Variants in COPG2 observed in about 807,000 individuals in gnomAD.
The protein encoded by COPG2 is coatomer subunit gamma-2.
A neutral mutation model predicts 46.3 loss-of-function variants in COPG2; 37 were observed. That is an observed-to-expected ratio of 0.80 (90% confidence interval 0.61 to 1.05). The LOEUF is 1.05. COPG2 is among the 50% of genes least tolerant of loss of function. The probability of loss-of-function intolerance (pLI) is 0.00; values close to 1 mark genes in which losing one functional copy is unlikely to be tolerated. For missense variants in COPG2, 427 were observed against 387.8 expected, an observed-to-expected ratio of 1.10 and a Z score of -0.85; for synonymous variants, 159 against 129.7, an observed-to-expected ratio of 1.23 and a Z score of -1.53.
intron 5 of COPG2, among the ~76,000 whole-genome samples, chr7:130,625,672 GTTT>G (rs35495315): frequency 7.1e-6 from 1 of 141,520 alleles, no homozygotes; most frequent in African/African-American, 2.5e-5. Flanking sequence ...TGCTTTCTCC[GTTT>G]TTTTTTTTAC....
At chr7:130,616,514 C>T (rs1377594192) in intron 6 of COPG2, among the ~76,000 whole-genome samples, 3 of 152,046 alleles carry the variant, frequency 2.0e-5, no homozygotes, top group Admixed American at 6.6e-5. Context: ...TACTTGAACC[C>T]GGGAGGCGGA....
chr7:130,530,769 C>CAGGGTGGAGGGGCCCCCAGGGA (rs1799816685), intron 20 of COPG2, among the ~76,000 whole-genome samples: 1 of 152,008 alleles, frequency 6.6e-6, no homozygotes, highest in Non-Finnish European at 1.5e-5. Flanking sequence ...AGAAGACAGA[C>CAGGGTGGAGGGGCCCCCAGGGA]AGGGTGGAGG....
chr7:130,537,326 G>A (rs978524041), intron 20 of COPG2, among the ~76,000 whole-genome samples: 1 of 149,970 alleles, frequency 6.7e-6, no homozygotes, highest in Non-Finnish European at 1.5e-5. Flanking sequence ...ACAGCAGAGC[G>A]TGTGGATTCA....
chr7:130,517,703 T>G (rs1032117324), intron 20 of COPG2, among the ~76,000 whole-genome samples: 25 of 152,228 alleles, frequency 1.6e-4, no homozygotes, highest in African/African-American at 6.0e-4. Flanking sequence ...TCCACTGCTA[T>G]GATAATTTAA....
At chr7:130,530,516 G>A (rs1161864741) in intron 20 of COPG2, among the ~76,000 whole-genome samples, 5 of 152,200 alleles carry the variant, frequency 3.3e-5, no homozygotes, top group Admixed American at 2.0e-4. Context: ...GATAGAGAGA[G>A]GATGGAAAAG....
chr7:130,513,347 G>A (rs1310954844), intron 20 of COPG2, among the ~76,000 whole-genome samples: 22 of 62,996 alleles, frequency 3.5e-4, no homozygotes, highest in Admixed American at 9.4e-4. Context: ...ATATATGTGT[G>A]TGTGTGTGTG....
At chr7:130,513,355 GTGTGTA>G (rs1799640121) in intron 20 of COPG2, among the ~76,000 whole-genome samples, 1 of 42,606 alleles carries the variant, frequency 2.3e-5, no homozygotes, top group African/African-American at 5.2e-5. Flanking sequence ...GTGTGTGTGT[GTGTGTA>G]TATATATATA....
At chr7:130,574,750 A>T (rs1429481823) in intron 9 of COPG2, among the ~76,000 whole-genome samples, 1 of 152,214 alleles carries the variant, frequency 6.6e-6, no homozygotes, top group Non-Finnish European at 1.5e-5. Context: ...TATTAAGCTA[A>T]TCAGAGAGGC....
chr7:130,614,563 A>G (rs1301048943), intron 6 of COPG2, among the ~76,000 whole-genome samples: 1 of 152,176 alleles, frequency 6.6e-6, no homozygotes, highest in Non-Finnish European at 1.5e-5. Flanking sequence ...ATACTACATG[A>G]TCTCATCCCT....
rs782372536 is a variant in COPG2 at position 130,507,378 on chromosome 7, T to C, written c.2387-6A>G. ...GATGATATTGTTGACAGCCTCTGTG[T>C]TGAGAAGATGTATGAGACAGTATTA... On this transcript the variant is annotated splice_region_variant and splice_polypyrimidine_tract_variant and intron_variant, in intron 22 of 23. Coordinates refer to ENST00000425248, the MANE Select transcript of COPG2 (RefSeq NM_012133.6). The C allele has an allele frequency of 1.3e-6, 1 of 780,436 alleles. No homozygotes were observed. The highest frequency in any genetic ancestry group is 2.4e-6 in the Non-Finnish European group (1 of 417,804). 48.3% of individuals were successfully genotyped at this position (780,436 alleles called of 1,614,324 possible). A position where few individuals can be genotyped will look rare whatever the true frequency, so the allele number is the denominator to read the frequency against.
rs528809012 is a variant in COPG2 at position 130,507,611 on chromosome 7, T to G, written c.2386+74A>C. 100 of 703,210 alleles carry G rather than the reference T, an allele frequency of 1.4e-4. No individual in the cohort carries two copies. The African/African-American group carries it at 1.7e-3, about 12-fold the overall frequency. 43.6% of individuals were successfully genotyped at this position (703,210 alleles called of 1,614,324 possible). Reference sequence around the variant, plus strand: ...GTTTTTTTTTTTTTAAAGGAGTTCTTCTGGAGTAACAAATATGCCTGTTAG... The same window carrying G: ...GTTTTTTTTTTTTTAAAGGAGTTCTGCTGGAGTAACAAATATGCCTGTTAG... On this transcript the variant is annotated intron_variant, in intron 22 of 23. Transcript: ENST00000425248.
At chr7:130,512,104 C>T (rs1284444702) in intron 20 of COPG2, among the ~76,000 whole-genome samples, 1 of 148,806 alleles carries the variant, frequency 6.7e-6, no homozygotes, top group East Asian at 2.0e-4. Flanking sequence ...CGTGGTGGCC[C>T]ATGCTTGTAA....
intron 4 of COPG2, among the ~76,000 whole-genome samples, chr7:130,654,992 C>G (rs1487013120): frequency 6.6e-6 from 1 of 151,712 alleles, no homozygotes; most frequent in African/African-American, 2.4e-5. Flanking sequence ...TCTTGTTATG[C>G]CTTTCTTTAC....
At chr7:130,534,085 A>G (rs913229407) in intron 20 of COPG2, among the ~76,000 whole-genome samples, 2 of 152,062 alleles carry the variant, frequency 1.3e-5, no homozygotes, top group Admixed American at 1.3e-4. Context: ...GCCAGACCTC[A>G]TGGTGCAAAT....
At chr7:130,655,477 T>G (rs995381715) in intron 4 of COPG2, among the ~76,000 whole-genome samples, 1 of 152,202 alleles carries the variant, frequency 6.6e-6, no homozygotes, top group Non-Finnish European at 1.5e-5. Context: ...TTGAGTAGTT[T>G]CCTTTTTTAC....
At chr7:130,529,084 A>G (rs887329790) in intron 20 of COPG2, among the ~76,000 whole-genome samples, 148 of 152,326 alleles carry the variant, frequency 9.7e-4, no homozygotes, top group African/African-American at 3.2e-3. Flanking sequence ...TTGAGACAGG[A>G]AACAATTGTC....
At chr7:130,667,053 A>G (rs1796099021) in intron 2 of COPG2, 124 bp from the exon 3 acceptor site, 1 of 590,224 alleles carries the variant, frequency 1.7e-6, no homozygotes, top group Non-Finnish European at 2.9e-6. Flanking sequence ...ATAGTTCTCA[A>G]TTTACTAAGG....
chr7:130,528,341 G>A (rs891854002), intron 20 of COPG2, among the ~76,000 whole-genome samples: 1 of 152,088 alleles, frequency 6.6e-6, no homozygotes, highest in South Asian at 2.1e-4. Flanking sequence ...AAAGGGAATT[G>A]AGAAGGTTTT....
At chr7:130,635,113 C>T (rs554810486) in intron 5 of COPG2, among the ~76,000 whole-genome samples, 27 of 149,914 alleles carry the variant, frequency 1.8e-4, no homozygotes, top group South Asian at 1.3e-3. Flanking sequence ...TCGGTTTGCC[C>T]GTATTTTATT....
Sources: gnomAD v4.1 joint callset for allele counts (sites outside exome capture counted in the v4.1 genomes callset) on GRCh38, gnomAD v4.1.1 for gene constraint, MANE v1.5 for transcripts, NCBI Gene and HGNC (gene_info 2026-07-23, HGNC 2026-07-21) for gene names.